Variants in SNX13 observed in about 807,000 individuals in gnomAD.
SNX13 encodes the protein sorting nexin-13.
In SNX13, 45 loss-of-function variants were observed where a neutral mutation model predicts 133.6. The ratio of observed to expected loss-of-function variants is 0.34; its 90% CI spans 0.27 to 0.43. SNX13 has a LOEUF of 0.43. SNX13 is among the 20% of genes least tolerant of loss of function. SNX13 has a pLI of 1.00. For missense variants in SNX13, 1,032 were observed against 1,145.1 expected (o/e 0.90, Z 1.43); for synonymous variants, 414 against 373.9 (o/e 1.11, Z -1.24).
chr7:17,882,786 C>G, intron 5 of SNX13: 1 of 1,226,664 alleles, frequency 8.2e-7, no homozygotes, highest in Non-Finnish European at 1.1e-6. Context: ...ATCACTACCA[C>G]AATTCCCTGT....
At chr7:17,938,193 T>C (rs1490895269) in intron 1 of SNX13, among the ~76,000 whole-genome samples, 1 of 152,238 alleles carries the variant, frequency 6.6e-6, no homozygotes, top group Non-Finnish European at 1.5e-5. Flanking sequence ...AAGCAGAAAG[T>C]CTTTTTTAAG....
intron 1 of SNX13, among the ~76,000 whole-genome samples, chr7:17,898,615 G>C (rs901788338): frequency 6.6e-6 from 1 of 152,104 alleles, no homozygotes; most frequent in Non-Finnish European, 1.5e-5. Flanking sequence ...TTACATTCCA[G>C]AAGTGGGGAA....
At chr7:17,912,023 G>A (rs1344107939) in intron 1 of SNX13, among the ~76,000 whole-genome samples, 1 of 152,158 alleles carries the variant, frequency 6.6e-6, no homozygotes, top group East Asian at 1.9e-4. Context: ...CAAGATTGTG[G>A]ATTAGAGGTT....
intron 1 of SNX13, among the ~76,000 whole-genome samples, chr7:17,901,050 T>C (rs1222396170): frequency 1.3e-5 from 2 of 152,118 alleles, no homozygotes; most frequent in African/African-American, 4.8e-5. Flanking sequence ...TTGCCCGGAC[T>C]AGGTCCTTCC....
intron 8 of SNX13, among the ~76,000 whole-genome samples, chr7:17,870,000 T>G (rs771047640): frequency 5.3e-5 from 8 of 152,194 alleles, no homozygotes; most frequent in Non-Finnish European, 1.2e-4. Context: ...ATGAGTCGAT[T>G]TGTATTAGAA....
intron 1 of SNX13, among the ~76,000 whole-genome samples, chr7:17,930,214 A>G (rs1290841160): frequency 6.6e-6 from 1 of 152,210 alleles, no homozygotes; most frequent in African/African-American, 2.4e-5. Context: ...CAACAACCCT[A>G]TGAGGTCAGT....
intron 1 of SNX13, among the ~76,000 whole-genome samples, chr7:17,921,232 C>G (rs1021579330): frequency 6.6e-6 from 1 of 152,200 alleles, no homozygotes; most frequent in African/African-American, 2.4e-5. Context: ...TTGGGCACTA[C>G]AGGACTGCTG....
intron 13 of SNX13, 86 bp from the exon 14 acceptor site, chr7:17,834,951 T>C: frequency 6.4e-6 from 5 of 779,856 alleles, no homozygotes; most frequent in Non-Finnish European, 1.0e-5. Flanking sequence ...GGAATCATAT[T>C]ATTGAAAATA....
chr7:17,807,631 C>T (rs548271405), intron 20 of SNX13, among the ~76,000 whole-genome samples: 2 of 152,360 alleles, frequency 1.3e-5, no homozygotes, highest in South Asian at 4.1e-4. Context: ...GACAGACTGC[C>T]TCCTCATGTG....
chr7:17,849,456 T>C (rs558518678), intron 11 of SNX13, among the ~76,000 whole-genome samples: 1 of 152,344 alleles, frequency 6.6e-6, no homozygotes, highest in South Asian at 2.1e-4. Context: ...ATCTCACACT[T>C]TGTGTCTATT....
chr7:17,875,340 A>G, intron 7 of SNX13, 140 bp downstream of exon 7: 3 of 628,414 alleles, frequency 4.8e-6, no homozygotes, highest in Non-Finnish European at 5.3e-6. Flanking sequence ...AAGAGTTACA[A>G]AATAAAATAA....
chr7:17,897,099 T>C (rs1287580578), intron 2 of SNX13, among the ~76,000 whole-genome samples: 1 of 152,074 alleles, frequency 6.6e-6, no homozygotes, highest in East Asian at 1.9e-4. Context: ...CCAAAAAAAG[T>C]TCATACCTTT....
chr7:17,897,467 A>T (rs1797332273), intron 1 of SNX13, 21 bp from the exon 2 acceptor site: 1 of 1,351,338 alleles, frequency 7.4e-7, no homozygotes, highest in Non-Finnish European at 1.0e-6. Flanking sequence ...GAAAAAATAT[A>T]AGTAAATTAG....
intron 1 of SNX13, among the ~76,000 whole-genome samples, chr7:17,913,760 C>CAAAAAAAAAAAAAAAAAA (rs71010278): frequency 5.5e-5 from 3 of 54,072 alleles, no homozygotes; most frequent in African/African-American, 1.9e-4. Context: ...TTAACAAAAA[C>CAAAAAAAAAAAAAAAAAA]AAAAAAAAAA....
At chr7:17,798,873 A>C in intron 23 of SNX13, 115 bp from the exon 24 acceptor site, 1 of 1,226,892 alleles carries the variant, frequency 8.2e-7, no homozygotes, top group South Asian at 1.4e-5. Flanking sequence ...CCTGAGAGCA[A>C]CAGACTGCTT....
At chr7:17,889,647 G>T (rs1796413996) in intron 5 of SNX13, 1 of 152,032 alleles carries the variant, frequency 6.6e-6, no homozygotes. Flanking sequence ...GGGAAAAAAA[G>T]CCTTCAAAAA....
intron 9 of SNX13, among the ~76,000 whole-genome samples, chr7:17,860,321 T>C (rs1037891525): frequency 2.0e-5 from 3 of 152,190 alleles, no homozygotes; most frequent in African/African-American, 4.8e-5. Flanking sequence ...TGCACATTTT[T>C]AAATACTTTT....
intron 1 of SNX13, among the ~76,000 whole-genome samples, chr7:17,937,033 A>AC (rs1802149242): frequency 6.7e-6 from 1 of 149,906 alleles, no homozygotes; most frequent in Admixed American, 6.6e-5. Flanking sequence ...AAAAAAAAAA[A>AC]CTAGCTAGAC....
At chr7:17,931,455 C>A (rs10282571) in intron 1 of SNX13, among the ~76,000 whole-genome samples, 3,243 of 152,272 alleles carry the variant, frequency 0.021, 127 homozygotes, top group African/African-American at 0.073. Flanking sequence ...CCAAACTTCA[C>A]AGGACAATGA....
Sources: gnomAD v4.1 joint callset for allele counts (sites outside exome capture counted in the v4.1 genomes callset) on GRCh38, gnomAD v4.1.1 for gene constraint, MANE v1.5 for transcripts, NCBI Gene and HGNC (gene_info 2026-07-23, HGNC 2026-07-21) for gene names.